HCN1: variants seen among roughly 807,000 people sequenced by gnomAD.
The protein encoded by HCN1 is hyperpolarization activated cyclic nucleotide gated potassium channel 1.
In HCN1, 13 loss-of-function variants were observed where a neutral mutation model predicts 78.9. The ratio of observed to expected loss-of-function variants is 0.16; its 90% CI spans 0.11 to 0.26. The LOEUF (loss-of-function observed/expected upper bound fraction) is 0.26. HCN1 is among the 10% of genes least tolerant of loss of function. The probability of loss-of-function intolerance (pLI) is 1.00; values close to 1 mark genes in which losing one functional copy is unlikely to be tolerated. For missense variants in HCN1, 810 were observed against 1,154.3 expected (o/e 0.70, Z 4.32); for synonymous variants, 552 against 455.5 (o/e 1.21, Z -2.70).
chr5:45,368,427 G>A (rs891403723), intron 4 of HCN1, among the ~76,000 whole-genome samples: 1 of 151,940 alleles, frequency 6.6e-6, no homozygotes, highest in African/African-American at 2.4e-5. Flanking sequence ...CATTTAAATA[G>A]AAATGATAAA....
chr5:45,405,777 T>A (rs973244427), intron 3 of HCN1, among the ~76,000 whole-genome samples: 11 of 152,132 alleles, frequency 7.2e-5, no homozygotes, highest in African/African-American at 2.7e-4. Context: ...ACCTTTTGCC[T>A]TATAAGAGGG....
intron 2 of HCN1, among the ~76,000 whole-genome samples, chr5:45,628,060 T>A (rs2112006715): frequency 6.6e-6 from 1 of 152,298 alleles, no homozygotes; most frequent in Non-Finnish European, 1.5e-5. Context: ...AGTAGAGAAC[T>A]CAAAAACTAG....
At chr5:45,615,718 C>T (rs1055649549) in intron 2 of HCN1, among the ~76,000 whole-genome samples, 11 of 151,870 alleles carry the variant, frequency 7.2e-5, no homozygotes, top group Middle Eastern at 3.2e-3. Flanking sequence ...GCCAAATACA[C>T]GTGGTTTGAG....
At chr5:45,375,636 T>G (rs1214146962) in intron 4 of HCN1, among the ~76,000 whole-genome samples, 1 of 85,928 alleles carries the variant, frequency 1.2e-5, no homozygotes, top group Non-Finnish European at 2.0e-5. Context: ...AAGATCATAT[T>G]TTATGATACA....
At chr5:45,538,834 C>G (rs1431345745) in intron 2 of HCN1, among the ~76,000 whole-genome samples, 1 of 152,110 alleles carries the variant, frequency 6.6e-6, no homozygotes, top group Non-Finnish European at 1.5e-5. Flanking sequence ...AAATTGCACT[C>G]AAAAACAATT....
intron 2 of HCN1, among the ~76,000 whole-genome samples, chr5:45,622,359 G>A (rs985616459): frequency 2.0e-5 from 3 of 152,154 alleles, no homozygotes; most frequent in Non-Finnish European, 2.9e-5. Flanking sequence ...TGGGATGAAT[G>A]CTTTAAAAAC....
chr5:45,603,357 T>G (rs374531308), intron 2 of HCN1, among the ~76,000 whole-genome samples: 11 of 151,990 alleles, frequency 7.2e-5, no homozygotes, highest in African/African-American at 2.7e-4. Flanking sequence ...TCTGAATAAA[T>G]CACATTAAAA....
chr5:45,399,662 A>C (rs1739755178), intron 3 of HCN1, among the ~76,000 whole-genome samples: 1 of 152,188 alleles, frequency 6.6e-6, no homozygotes, highest in African/African-American at 2.4e-5. Flanking sequence ...AATAAAACAG[A>C]AGATTGAAAA....
intron 3 of HCN1, among the ~76,000 whole-genome samples, chr5:45,433,094 A>G (rs1305606479): frequency 2.0e-5 from 3 of 152,072 alleles, no homozygotes; most frequent in African/African-American, 2.4e-5. Context: ...CCCATGACAC[A>G]TGGGAATTAT....
chr5:45,434,856 T>C (rs1740532491), intron 3 of HCN1, among the ~76,000 whole-genome samples: 2 of 152,138 alleles, frequency 1.3e-5, no homozygotes, highest in Admixed American at 6.5e-5. Context: ...AAGTTCTATT[T>C]TCATAACATA....
chr5:45,625,685 A>G lies in HCN1; in HGVS notation c.849+19500T>C, dbSNP rs573460253. 3.1e-4 allele frequency among the ~76,000 whole-genome samples: 47 copies of G among 152,318 alleles called. 1 individual carries two copies. The East Asian group carries it at 6.9e-3, about 22-fold the overall frequency. ...AGTCTAAAAGGGATATGAAAAACAT[A>G]GAACAGTAATGTGTTAATAAAATAG... On this transcript the variant is annotated intron_variant, in intron 2 of 7. Transcript: ENST00000303230.
At chr5:45,590,116 G>T (rs987726982) in intron 2 of HCN1, among the ~76,000 whole-genome samples, 1 of 151,990 alleles carries the variant, frequency 6.6e-6, no homozygotes, top group African/African-American at 2.4e-5. Context: ...TAAATCTCAG[G>T]GTAGTGTCTG....
At chr5:45,453,132 C>T (rs1412246563) in intron 3 of HCN1, among the ~76,000 whole-genome samples, 1 of 152,010 alleles carries the variant, frequency 6.6e-6, no homozygotes, top group Admixed American at 6.6e-5. Flanking sequence ...ACTTAGCTTA[C>T]ATAATTTAAG....
chr5:45,556,761 C>T (rs541084366), intron 2 of HCN1, among the ~76,000 whole-genome samples: 32 of 152,040 alleles, frequency 2.1e-4, no homozygotes, highest in African/African-American at 7.2e-4. Flanking sequence ...CCCTTATATT[C>T]TTTCCCCTCT....
intron 4 of HCN1, among the ~76,000 whole-genome samples, chr5:45,376,146 T>C (rs1322258893): frequency 9.8e-6 from 1 of 102,386 alleles, no homozygotes; most frequent in Admixed American, 1.3e-4. Flanking sequence ...TAATATATTA[T>C]ATATAATATA....
chr5:45,406,286 TATGTTTA>T (rs570575639), intron 3 of HCN1, among the ~76,000 whole-genome samples: 46 of 152,152 alleles, frequency 3.0e-4, no homozygotes, highest in Non-Finnish European at 5.3e-4. Flanking sequence ...ATATTTTACA[TATGTTTA>T]TATATAAGTA....
At chr5:45,634,261 T>C (rs1466821409) in intron 2 of HCN1, among the ~76,000 whole-genome samples, 1 of 151,942 alleles carries the variant, frequency 6.6e-6, no homozygotes, top group Non-Finnish European at 1.5e-5. Flanking sequence ...AGAATTACTC[T>C]CAGCTACCTG....
rs192840380 is a variant in HCN1 at position 45,270,434 on chromosome 5, C to A, written c.1619-3181G>T. ...TTAATCCCTGAAGTAGTATATGATG[C>A]CAGCCATACAAGATTTTATTAACAA... On this transcript the variant is annotated intron_variant, in intron 6 of 7. Coordinates refer to ENST00000303230, the MANE Select transcript of HCN1 (RefSeq NM_021072.4). 3.4e-3 allele frequency among the ~76,000 whole-genome samples: 515 copies of A among 152,252 alleles called. 1 individual carries two copies. The highest frequency in any genetic ancestry group is 0.014 in the South Asian group (69 of 4,826).
intron 3 of HCN1, among the ~76,000 whole-genome samples, chr5:45,418,184 T>C (rs149997236): frequency 1.3e-5 from 2 of 152,024 alleles, no homozygotes; most frequent in East Asian, 3.9e-4. Flanking sequence ...TTTAATCTTG[T>C]CTTGGCATAT....
Sources: gnomAD v4.1 joint callset for allele counts (sites outside exome capture counted in the v4.1 genomes callset) on GRCh38, gnomAD v4.1.1 for gene constraint, MANE v1.5 for transcripts, NCBI Gene and HGNC (gene_info 2026-07-23, HGNC 2026-07-21) for gene names.